Variants in NHSL2 observed in about 807,000 individuals in gnomAD.
NHSL2 encodes NHS-like protein 2.
A neutral mutation model predicts 53.4 loss-of-function variants in NHSL2; 27 were observed. That is an observed-to-expected ratio of 0.51 (90% CI 0.37 to 0.70). The LOEUF (loss-of-function observed/expected upper bound fraction) is 0.70. Among genes scored for constraint, NHSL2 ranks in the 30% least tolerant of loss-of-function variants. NHSL2 has a pLI of 0.00. For missense variants in NHSL2, 892 were observed against 980.1 expected (o/e 0.91, Z 1.20); for synonymous variants, 408 against 404.1 (o/e 1.01, Z -0.12).
At chrX:72,078,161 G>A (rs915999776) in intron 1 of NHSL2, among the ~76,000 whole-genome samples, 2 of 112,708 alleles carry the variant, frequency 1.8e-5, no homozygotes, top group Non-Finnish European at 1.9e-5. Context: ...GGTGAGGCTG[G>A]GATTTGAGCC....
chrX:72,023,107 G>A (rs1007277689), intron 1 of NHSL2, among the ~76,000 whole-genome samples: 3 of 112,896 alleles, frequency 2.7e-5, no homozygotes, highest in Admixed American at 9.3e-5. Context: ...CTTAAAGACT[G>A]AATGTTCATT....
intron 1 of NHSL2, among the ~76,000 whole-genome samples, chrX:71,984,428 T>C (rs1338794923): frequency 8.9e-6 from 1 of 111,991 alleles, no homozygotes; most frequent in African/African-American, 3.2e-5. Flanking sequence ...AACTAGGCAT[T>C]TGTTGGAACC....
In NHSL2 at chrX:72,148,094, T is replaced by C. The variant is rs12012640; in HGVS notation, c.*4520T>C. The C allele has an allele frequency of 9.0e-6, 1 of 111,728 alleles. No homozygotes were observed. The highest frequency in any genetic ancestry group is 1.9e-5 in the Non-Finnish European group (1 of 53,233). 9.2% of individuals were successfully genotyped at this position (111,728 alleles called of 1,213,427 possible). A position where few individuals can be genotyped will look rare whatever the true frequency, so the allele number is the denominator to read the frequency against. ...TTCAATATGGTTACTACCAAGGGAC[T>C]CTCAGAAATGGCTACTAAAAGCCAC... On this transcript the variant is annotated 3_prime_UTR_variant, in exon 8 of 8. Transcript: ENST00000633930.
In NHSL2 at chrX:72,095,867, A is replaced by G. The variant is rs150364259; in HGVS notation, c.281-36212A>G. Among the ~76,000 whole-genome samples the G allele has an allele frequency of 8.2e-3, 910 of 111,476 alleles. 5 individuals carry two copies. The highest frequency in any genetic ancestry group is 0.028 in the African/African-American group (866 of 30,637). On this transcript the variant is annotated intron_variant, in intron 1 of 7. Transcript: ENST00000633930. ...TATGACAGGGTTATTCTGAGCATCAAATGAAGTTTTTGTTACCTTTAAAGC... is the reference window on the plus strand; with the variant it reads ...TATGACAGGGTTATTCTGAGCATCAGATGAAGTTTTTGTTACCTTTAAAGC...
rs754841184 is a variant in NHSL2 at position 72,144,533 on chromosome X, TG to T, written c.*961del. On this transcript the variant is annotated 3_prime_UTR_variant, in exon 8 of 8. Transcript: ENST00000633930. ...AGCATCATCAAAGGCTCAAGGATAA[TG>T]GAAAGTAAGTGCATCTTGCCCCCCA... 1 of 1,023,847 alleles carries T rather than the reference TG, an allele frequency of 9.8e-7. No homozygotes were observed. The highest frequency in any genetic ancestry group is 2.0e-5 in the African/African-American group (1 of 51,266). The allele number at this position is 1,023,847 out of a possible 1,213,427, so 84.4% of individuals were successfully genotyped here.
intron 1 of NHSL2, among the ~76,000 whole-genome samples, chrX:72,048,087 T>C (rs1214163719): frequency 1.9e-5 from 2 of 106,476 alleles, no homozygotes; most frequent in Non-Finnish European, 1.9e-5. Flanking sequence ...ATAATAATAA[T>C]AATAATAATA....
chrX:72,090,916 G>A (rs778584279), intron 1 of NHSL2, among the ~76,000 whole-genome samples: 26 of 111,330 alleles, frequency 2.3e-4, no homozygotes, highest in Admixed American at 2.2e-3. Flanking sequence ...ATTGTATCTT[G>A]GAGAACATTC....
At chrX:72,011,477 G>C (rs1030164680) in intron 1 of NHSL2, among the ~76,000 whole-genome samples, 3 of 111,885 alleles carry the variant, frequency 2.7e-5, no homozygotes, top group East Asian at 5.6e-4. Context: ...CAAGACCATC[G>C]TGGCCAACAC....
In NHSL2 at chrX:72,137,153, G is replaced by A. The variant is rs1215473993; in HGVS notation, c.820G>A (p.Val274Met). ...RHSLFNTETA[V>M]NPKSTLRRRR... ...CTCGTTGTTTAACACAGAGACAGCCGTGAACCCCAAGTCCACCCTGAGGCG... is the reference window on the plus strand; with the variant it reads ...CTCGTTGTTTAACACAGAGACAGCCATGAACCCCAAGTCCACCCTGAGGCG... Residue 274 changes from valine (V) to methionine (M), a missense_variant, in exon 5 of 8, where the codon GTG becomes ATG. Transcript: ENST00000633930. 3 of 1,164,981 alleles carry A rather than the reference G, an allele frequency of 2.6e-6. No individual in the cohort carries two copies. Among genetic ancestry groups the A allele is most frequent in the South Asian group, 1.9e-5 (1 of 52,627 alleles).
At chrX:72,007,730 CA>C (rs2042100257) in intron 1 of NHSL2, among the ~76,000 whole-genome samples, 1 of 113,397 alleles carries the variant, frequency 8.8e-6, no homozygotes, top group Non-Finnish European at 1.9e-5. Context: ...CCCAAGGGCA[CA>C]CCGCTTGAAA....
chrX:72,009,580 C>A (rs772130394), intron 1 of NHSL2, among the ~76,000 whole-genome samples: 13 of 112,594 alleles, frequency 1.2e-4, no homozygotes, highest in Non-Finnish European at 2.3e-4. Context: ...AGTTTGTTAC[C>A]TTCTCAGTTT....
At chrX:72,121,598 TA>T (rs1490266872) in intron 1 of NHSL2, among the ~76,000 whole-genome samples, 7 of 111,792 alleles carry the variant, frequency 6.3e-5, no homozygotes, top group African/African-American at 2.3e-4. Flanking sequence ...ACAATTTCTG[TA>T]AACAGTTCTT....
In NHSL2 at chrX:72,048,153, C is replaced by T. The variant is rs751877124; in HGVS notation, c.281-83926C>T. On this transcript the variant is annotated intron_variant, in intron 1 of 7. Coordinates refer to ENST00000633930, the MANE Select transcript of NHSL2 (RefSeq NM_001013627.3). Reference sequence around the variant, plus strand: ...TGCCTACTATATGGCAGGCATTACACTAAACATTTATTGGATTAACTCACT... The same window carrying T: ...TGCCTACTATATGGCAGGCATTACATTAAACATTTATTGGATTAACTCACT... Among the ~76,000 whole-genome samples, 32 of 110,158 alleles carry T rather than the reference C, an allele frequency of 2.9e-4. 1 individual carries two copies. In the South Asian group the frequency reaches 0.011, roughly 39 times the overall value.
chrX:71,993,534 G>A (rs779231427), intron 1 of NHSL2, among the ~76,000 whole-genome samples: 5 of 111,802 alleles, frequency 4.5e-5, no homozygotes, highest in Non-Finnish European at 9.4e-5. Context: ...GAGGGTCTGA[G>A]GTAGACATGA....
chrX:72,042,812 C>T, intron 1 of NHSL2, among the ~76,000 whole-genome samples: 1 of 109,243 alleles, frequency 9.2e-6, no homozygotes, highest in Non-Finnish European at 1.9e-5. Flanking sequence ...AGCCTTGGGC[C>T]TGGATGGAAG....
At chrX:72,082,704 G>A (rs1212488673) in intron 1 of NHSL2, among the ~76,000 whole-genome samples, 1 of 112,374 alleles carries the variant, frequency 8.9e-6, no homozygotes, top group Non-Finnish European at 1.9e-5. Context: ...CAGCTCTGAT[G>A]TGCTGGCCTC....
chrX:72,137,718 G>A (rs1288646968), intron 5 of NHSL2, among the ~76,000 whole-genome samples: 3 of 111,372 alleles, frequency 2.7e-5, no homozygotes, highest in South Asian at 3.8e-4. Context: ...ATACTGACAT[G>A]GTGGAATTAG....
At chrX:71,953,237 A>G in intron 1 of NHSL2, among the ~76,000 whole-genome samples, 1 of 112,265 alleles carries the variant, frequency 8.9e-6, no homozygotes. Context: ...CCCTGTATAC[A>G]TCCTCAAGGC....
At chrX:72,106,750 T>C (rs2042044161) in intron 1 of NHSL2, among the ~76,000 whole-genome samples, 1 of 111,881 alleles carries the variant, frequency 8.9e-6, no homozygotes, top group Non-Finnish European at 1.9e-5. Flanking sequence ...TAAGAAAATG[T>C]GGCACATACA....
Sources: gnomAD v4.1 joint callset for allele counts (sites outside exome capture counted in the v4.1 genomes callset) on GRCh38, gnomAD v4.1.1 for gene constraint, MANE v1.5 for transcripts, NCBI Gene and HGNC (gene_info 2026-07-23, HGNC 2026-07-21) for gene names.